Variants in RCAN2 observed in about 807,000 individuals in gnomAD.
RCAN2 encodes regulator of calcineurin 2.
A neutral mutation model predicts 23.6 loss-of-function variants in RCAN2; 9 were observed. The observed-to-expected ratio is 0.38, with a 90% CI of 0.23 to 0.67. RCAN2 has a LOEUF of 0.67. Ranked by LOEUF, RCAN2 falls within the 30% of genes least tolerant of loss-of-function variation. The probability of loss-of-function intolerance (pLI) is 0.51; values close to 1 mark genes in which losing one functional copy is unlikely to be tolerated. For synonymous variants in RCAN2, 109 were observed against 115.7 expected, an observed-to-expected ratio of 0.94 and a Z score of 0.37; for missense variants, 273 against 302.3, an observed-to-expected ratio of 0.90 and a Z score of 0.72.
intron 2 of RCAN2, among the ~76,000 whole-genome samples, chr6:46,259,309 C>G (rs910201160): frequency 6.6e-6 from 1 of 152,148 alleles, no homozygotes; most frequent in Non-Finnish European, 1.5e-5. Context: ...TATATAACCA[C>G]ATGAATACAA....
At chr6:46,254,107 AG>A (rs1766825522) in intron 2 of RCAN2, among the ~76,000 whole-genome samples, 1 of 152,246 alleles carries the variant, frequency 6.6e-6, no homozygotes. Flanking sequence ...AAGTACCAGC[AG>A]TTTTAACTAC....
intron 2 of RCAN2, among the ~76,000 whole-genome samples, chr6:46,350,322 C>A (rs748435014): frequency 6.6e-6 from 1 of 152,102 alleles, no homozygotes; most frequent in Non-Finnish European, 1.5e-5. Context: ...TAGACTCTTC[C>A]AGGGCAATGG....
At chr6:46,254,582 C>T (rs1222570951) in intron 2 of RCAN2, among the ~76,000 whole-genome samples, 1 of 152,064 alleles carries the variant, frequency 6.6e-6, no homozygotes, top group African/African-American at 2.4e-5. Flanking sequence ...AACCAGGGAG[C>T]TGGGCTAACT....
chr6:46,373,361 T>A (rs1292345997), intron 2 of RCAN2, among the ~76,000 whole-genome samples: 1 of 152,054 alleles, frequency 6.6e-6, no homozygotes. Context: ...ACCGCCCAGG[T>A]TCCAGTGATT....
intron 2 of RCAN2, among the ~76,000 whole-genome samples, chr6:46,310,444 A>G (rs891430471): frequency 6.6e-6 from 1 of 152,174 alleles, no homozygotes; most frequent in Non-Finnish European, 1.5e-5. Flanking sequence ...CAGACCTTCT[A>G]TTCTACAACA....
chr6:46,228,117 T>G (rs1432044678), intron 4 of RCAN2, among the ~76,000 whole-genome samples: 1 of 152,244 alleles, frequency 6.6e-6, no homozygotes, highest in Non-Finnish European at 1.5e-5. Context: ...AATTCTAGTT[T>G]GATTGCACTG....
intron 2 of RCAN2, among the ~76,000 whole-genome samples, chr6:46,386,801 C>T (rs1765769976): frequency 6.6e-6 from 1 of 152,050 alleles, no homozygotes; most frequent in Admixed American, 6.6e-5. Context: ...CAAGACAATC[C>T]TAAGCCAAAA....
In RCAN2 at chr6:46,413,207, C is replaced by A. The variant is rs377194775; in HGVS notation, c.225+43545G>T. Among the ~76,000 whole-genome samples, 7 of 152,276 alleles carry A rather than the reference C, an allele frequency of 4.6e-5. No individual in the cohort carries two copies. The East Asian group carries it at 7.7e-4, about 17-fold the overall frequency. On this transcript the variant is annotated intron_variant, in intron 2 of 4. Coordinates refer to ENST00000371374, the MANE Select transcript of RCAN2 (RefSeq NM_001251974.2). ...TTTCAACTAAGGAGGAGAGGGGCAG[C>A]ATTTGAAACCAGAGGCAGCATTTAA...
chr6:46,436,033 G>A (rs1458108666), intron 2 of RCAN2, among the ~76,000 whole-genome samples: 1 of 152,194 alleles, frequency 6.6e-6, no homozygotes. Context: ...TTTCTTCTGG[G>A]CTAGTTCTTG....
At chr6:46,439,073 A>G (rs1767454120) in intron 2 of RCAN2, among the ~76,000 whole-genome samples, 1 of 152,224 alleles carries the variant, frequency 6.6e-6, no homozygotes, top group African/African-American at 2.4e-5. Flanking sequence ...AACAGCCTTT[A>G]GGTTTCAAAA....
chr6:46,256,276 A>T (rs192521180), intron 2 of RCAN2, among the ~76,000 whole-genome samples: 98 of 152,296 alleles, frequency 6.4e-4, no homozygotes, highest in African/African-American at 2.2e-3. Flanking sequence ...AGGCTCAGGC[A>T]GGAGAATCAC....
intron 2 of RCAN2, among the ~76,000 whole-genome samples, chr6:46,395,431 G>A (rs893750165): frequency 2.0e-5 from 3 of 152,178 alleles, no homozygotes; most frequent in African/African-American, 7.2e-5. Context: ...TGTGTCTAAG[G>A]CTGGTCTCTT....
chr6:46,253,750 T>G (rs1766812602), intron 2 of RCAN2, among the ~76,000 whole-genome samples: 1 of 152,210 alleles, frequency 6.6e-6, no homozygotes, highest in South Asian at 2.1e-4. Flanking sequence ...TGGTCAACAA[T>G]GGACTGCATA....
chr6:46,333,317 T>C (rs992123542), intron 2 of RCAN2, among the ~76,000 whole-genome samples: 1 of 152,216 alleles, frequency 6.6e-6, no homozygotes, highest in Non-Finnish European at 1.5e-5. Flanking sequence ...TTAATCACCA[T>C]AAAATGTGAT....
At chr6:46,286,710 G>C (rs1460007040) in intron 2 of RCAN2, among the ~76,000 whole-genome samples, 1 of 152,134 alleles carries the variant, frequency 6.6e-6, no homozygotes, top group Non-Finnish European at 1.5e-5. Flanking sequence ...CAGTTAGAAA[G>C]AGCACTTCAA....
chr6:46,247,795 T>C (rs933863433), intron 3 of RCAN2, among the ~76,000 whole-genome samples: 1 of 152,238 alleles, frequency 6.6e-6, no homozygotes, highest in African/African-American at 2.4e-5. Flanking sequence ...CTATTGTGAA[T>C]AGTGCTGTTG....
intron 4 of RCAN2, among the ~76,000 whole-genome samples, chr6:46,234,558 G>C (rs76408547): frequency 0.012 from 1,817 of 152,264 alleles, 36 homozygotes; most frequent in African/African-American, 0.041. Flanking sequence ...GAAAAGACAA[G>C]CAGAGGGTTG....
chr6:46,268,834 A>AT (rs1038231627), intron 2 of RCAN2, among the ~76,000 whole-genome samples: 3 of 152,070 alleles, frequency 2.0e-5, no homozygotes, highest in Non-Finnish European at 2.9e-5. Context: ...TAGATGTGTG[A>AT]TTTTTTTCCC....
At chr6:46,447,506 A>G (rs1767750417) in intron 2 of RCAN2, among the ~76,000 whole-genome samples, 1 of 151,976 alleles carries the variant, frequency 6.6e-6, no homozygotes. Flanking sequence ...CCTAACAGAC[A>G]TATACAAAAG....
Sources: allele counts gnomAD v4.1 joint callset (sites outside exome capture counted in the v4.1 genomes callset), GRCh38; gene constraint gnomAD v4.1.1; transcripts MANE v1.5; gene names NCBI Gene and HGNC (gene_info 2026-07-23, HGNC 2026-07-21).